ADARB2: variants seen among roughly 807,000 people sequenced by gnomAD.
ADARB2 encodes the protein inactive double-stranded RNA-specific editase B2.
A neutral mutation model predicts 62.2 loss-of-function variants in ADARB2; 25 were observed. That is an observed-to-expected ratio of 0.40 (90% CI 0.29 to 0.56). The LOEUF is 0.56. ADARB2 is among the 20% of genes least tolerant of loss of function. The pLI, the probability that ADARB2 is intolerant of heterozygous loss-of-function variation, is 0.43. For synonymous variants in ADARB2, 572 were observed against 500.8 expected, an observed-to-expected ratio of 1.14 and a Z score of -1.90; for missense variants, 1,071 against 1,077.4, an observed-to-expected ratio of 0.99 and a Z score of 0.08.
At chr10:1,552,920 A>AATTC (rs200654536) in intron 1 of ADARB2, among the ~76,000 whole-genome samples, 952 of 84,868 alleles carry the variant, frequency 0.011, 4 homozygotes, top group African/African-American at 0.018. Context: ...ACCCTTAATT[A>AATTC]ATTCGTTTAG....
chr10:1,253,370 T>C (rs916397966), intron 4 of ADARB2, among the ~76,000 whole-genome samples: 9 of 152,182 alleles, frequency 5.9e-5, no homozygotes, highest in Non-Finnish European at 1.0e-4. Context: ...AGAGGGCTGG[T>C]GTGGGAAAGC....
chr10:1,650,325 G>A (rs1396813493), intron 1 of ADARB2, among the ~76,000 whole-genome samples: 1 of 152,180 alleles, frequency 6.6e-6, no homozygotes, highest in East Asian at 1.9e-4. Flanking sequence ...TTTGCAAGGG[G>A]AGCCTCCTGG....
At position 1,255,517 on chromosome 10, in the gene ADARB2, G is replaced by A. The variant is rs1295861783; in HGVS notation, c.1193-13218C>T. Reference sequence around the variant, plus strand: ...GCTGCTGTCCACCTGTGATGGCCTCGGGCACTGTGGCCCCCACTACAACCC... The same window carrying A: ...GCTGCTGTCCACCTGTGATGGCCTCAGGCACTGTGGCCCCCACTACAACCC... On this transcript the variant is annotated intron_variant, in intron 4 of 9. Transcript: ENST00000381312. The surrounding 1 kb of genome is among the most constrained non-coding windows in gnomAD (Gnocchi z 4.7). Among the ~76,000 whole-genome samples the A allele has an allele frequency of 3.9e-5, 6 of 152,358 alleles. No homozygotes were observed. Among genetic ancestry groups the A allele is most frequent in the Admixed American group, 2.6e-4 (4 of 15,308 alleles).
chr10:1,401,071 G>T (rs982281054), intron 1 of ADARB2, among the ~76,000 whole-genome samples: 6 of 152,100 alleles, frequency 3.9e-5, no homozygotes, highest in African/African-American at 1.4e-4. Context: ...AGGACCCCTC[G>T]CCAGGGCCCC....
intron 1 of ADARB2, among the ~76,000 whole-genome samples, chr10:1,531,860 TGC>T (rs1348711609): frequency 2.0e-5 from 3 of 151,550 alleles, no homozygotes; most frequent in Non-Finnish European, 4.4e-5. Flanking sequence ...AAAAAAATAG[TGC>T]CCTAGAATTC....
At chr10:1,226,436 G>C (rs1226125297) in intron 6 of ADARB2, among the ~76,000 whole-genome samples, 1 of 152,204 alleles carries the variant, frequency 6.6e-6, no homozygotes, top group Non-Finnish European at 1.5e-5. Flanking sequence ...ATCCAGCTTT[G>C]TTCCATTGCT....
chr10:1,693,552 G>A (rs1257786395), intron 1 of ADARB2, among the ~76,000 whole-genome samples: 1 of 152,108 alleles, frequency 6.6e-6, no homozygotes, highest in Non-Finnish European at 1.5e-5. Context: ...TTTTCAAAAC[G>A]ACCTGTGATA....
At chr10:1,266,879 A>G (rs981968164) in intron 4 of ADARB2, among the ~76,000 whole-genome samples, 1 of 152,206 alleles carries the variant, frequency 6.6e-6, no homozygotes, top group African/African-American at 2.4e-5. Context: ...TAATGAAAAT[A>G]GGTTGCAAAA....
chr10:1,298,319 T>A (rs539854845), intron 3 of ADARB2, among the ~76,000 whole-genome samples: 25 of 152,336 alleles, frequency 1.6e-4, no homozygotes, highest in Admixed American at 7.8e-4. Flanking sequence ...GTTTTTATGT[T>A]TTTTTGCCAA....
At chr10:1,354,164 C>G (rs1832171963) in intron 3 of ADARB2, among the ~76,000 whole-genome samples, 1 of 152,096 alleles carries the variant, frequency 6.6e-6, no homozygotes, top group Non-Finnish European at 1.5e-5. Context: ...TTTTCGCCGC[C>G]CCAATACTTT....
rs150601756 is a variant in ADARB2 at position 1,386,528 on chromosome 10, T to C, written c.101-7368A>G. On this transcript the variant is annotated intron_variant, in intron 1 of 9. Transcript: ENST00000381312. ...AAAGATGGAATGGCTATGTTAACAATAGACACAGTAGTTTTCAAAATATGA... is the reference window on the plus strand; with the variant it reads ...AAAGATGGAATGGCTATGTTAACAACAGACACAGTAGTTTTCAAAATATGA... Among the ~76,000 whole-genome samples the C allele has an allele frequency of 1.4e-4, 21 of 152,066 alleles. No homozygotes were observed. The East Asian group carries it at 4.0e-3, about 29-fold the overall frequency.
intron 1 of ADARB2, among the ~76,000 whole-genome samples, chr10:1,587,539 T>C (rs12268077): frequency 0.018 from 2,642 of 149,184 alleles, 65 homozygotes; most frequent in East Asian, 0.088. Context: ...ATTTGTTGTT[T>C]TGATTTTTTT....
intron 1 of ADARB2, among the ~76,000 whole-genome samples, chr10:1,502,808 G>C (rs185070650): frequency 7.9e-5 from 12 of 152,280 alleles, no homozygotes; most frequent in Admixed American, 5.9e-4. Context: ...ATGTTGTCTG[G>C]TTATTGCATT....
At position 1,670,178 on chromosome 10, in the gene ADARB2, C is replaced by A. The variant is rs529198904; in HGVS notation, c.100+66873G>T. Among the ~76,000 whole-genome samples the A allele has an allele frequency of 2.6e-5, 4 of 152,346 alleles. No homozygotes were observed. In the South Asian group the frequency reaches 8.3e-4, roughly 32 times the overall value. On this transcript the variant is annotated intron_variant, in intron 1 of 9. Transcript: ENST00000381312. ...TATAATCCAGCCAATATCAAACCTT[C>A]ACTTTCCTTCTGTTAGCAGCCAATA...
intron 1 of ADARB2, among the ~76,000 whole-genome samples, chr10:1,470,065 G>A (rs539724894): frequency 3.3e-5 from 3 of 91,584 alleles, no homozygotes; most frequent in Admixed American, 2.1e-4. Flanking sequence ...GCCCTGGAGC[G>A]ACCTTCCAAG....
Position 1,363,567 on chromosome 10 carries a change from G to T in ADARB2, c.538C>A (p.Arg180Ser). ...TGPTKKKAKM[R>S]AAELALRSFV... is the part of the protein sequence containing the mutation. ...GACCTGAGTGCCAGCTCCGCCGCGC[G>T]CATCTTGGCCTTCTTCTTGGTGGGG... is the stretch of plus-strand genomic sequence containing the variant. Residue 180 changes from arginine to serine, a missense_variant, in exon 3 of 10, where the codon CGC (arginine) becomes AGC (serine). Physicochemically the swap from Arg to Ser is moderately radical, Grantham distance 110 (BLOSUM62 -1). Coordinates refer to ENST00000381312, the MANE Select transcript of ADARB2 (RefSeq NM_018702.4). The T allele has an allele frequency of 6.3e-7, 1 of 1,577,230 alleles. No individual in the cohort carries two copies. The highest frequency in any genetic ancestry group is 8.6e-7 in the Non-Finnish European group (1 of 1,162,322).
At chr10:1,195,195 G>T (rs1836893068) in intron 8 of ADARB2, among the ~76,000 whole-genome samples, 1 of 152,022 alleles carries the variant, frequency 6.6e-6, no homozygotes, top group Non-Finnish European at 1.5e-5. Context: ...CCAGGTCCTG[G>T]CTTGGCAACT....
chr10:1,272,532 C>T (rs1364426579), intron 3 of ADARB2, among the ~76,000 whole-genome samples: 1 of 152,250 alleles, frequency 6.6e-6, no homozygotes, highest in Admixed American at 6.5e-5. Context: ...GCGCAGTCTC[C>T]TCTGCTCACC....
chr10:1,375,119 G>A (rs1403622654), intron 2 of ADARB2, among the ~76,000 whole-genome samples: 1 of 152,120 alleles, frequency 6.6e-6, no homozygotes, highest in Non-Finnish European at 1.5e-5. Context: ...GAGCAGGTGC[G>A]GCTGTCAGGA....
Sources: gnomAD v4.1 joint callset for allele counts (sites outside exome capture counted in the v4.1 genomes callset) on GRCh38, gnomAD v4.1.1 for gene constraint, Gnocchi (gnomAD v3.1) non-coding constraint, MANE v1.5 for transcripts, NCBI Gene and HGNC (gene_info 2026-07-23, HGNC 2026-07-21) for gene names.